Variants in FER observed in about 807,000 individuals in gnomAD.
FER encodes the protein tyrosine-protein kinase Fer.
FER carries 63 observed loss-of-function variants against 111.0 expected under a neutral mutation model. That is an observed-to-expected ratio of 0.57 (90% confidence interval 0.46 to 0.70). FER has a LOEUF of 0.70. Ranked by LOEUF, FER falls within the 30% of genes least tolerant of loss-of-function variation. FER has a pLI of 0.00. For missense variants in FER, 914 were observed against 954.0 expected, an observed-to-expected ratio of 0.96 and a Z score of 0.55; for synonymous variants, 327 against 313.9, an observed-to-expected ratio of 1.04 and a Z score of -0.44.
chr5:108,907,264 T>C (rs1750915285), intron 10 of FER, among the ~76,000 whole-genome samples: 1 of 152,010 alleles, frequency 6.6e-6, no homozygotes. Flanking sequence ...CTCTGCCTTC[T>C]CATTAAACAC....
At chr5:108,919,019 TTAGA>T (rs2149546751) in intron 10 of FER, among the ~76,000 whole-genome samples, 1 of 152,352 alleles carries the variant, frequency 6.6e-6, no homozygotes, top group East Asian at 1.9e-4. Flanking sequence ...TTTAAAACAA[TTAGA>T]TAATTTCTGT....
chr5:108,820,176 A>G (rs1758698285), intron 3 of FER: 2 of 985,420 alleles, frequency 2.0e-6, no homozygotes, highest in Non-Finnish European at 2.4e-6. Context: ...ACAGTCCTCT[A>G]CTAGAGCTGG....
chr5:108,980,927 T>C (rs892180112), intron 13 of FER, among the ~76,000 whole-genome samples: 1 of 152,102 alleles, frequency 6.6e-6, no homozygotes, highest in Non-Finnish European at 1.5e-5. Flanking sequence ...AAAAACATGT[T>C]TTTGTTAAAG....
At chr5:108,823,836 CA>C (rs1242857620) in intron 3 of FER, among the ~76,000 whole-genome samples, 1 of 152,074 alleles carries the variant, frequency 6.6e-6, no homozygotes, top group Non-Finnish European at 1.5e-5. Context: ...GTGTCATCTT[CA>C]AAAAATCATT....
At chr5:109,050,562 C>A (rs1483587812) in intron 16 of FER, among the ~76,000 whole-genome samples, 2 of 152,102 alleles carry the variant, frequency 1.3e-5, no homozygotes, top group African/African-American at 4.8e-5. Context: ...TCCCAACTGT[C>A]TTAAAAATGT....
chr5:109,046,346 A>G (rs35786031), intron 15 of FER, among the ~76,000 whole-genome samples: 1 of 149,828 alleles, frequency 6.7e-6, no homozygotes, highest in Admixed American at 6.7e-5. Flanking sequence ...TGTGTTAAAA[A>G]ATATATATAT....
intron 17 of FER, among the ~76,000 whole-genome samples, chr5:109,103,680 A>G (rs746495879): frequency 2.6e-5 from 4 of 152,084 alleles, no homozygotes; most frequent in Non-Finnish European, 4.4e-5. Context: ...TTTCTTTCCT[A>G]CTTGTACTTT....
intron 2 of FER, among the ~76,000 whole-genome samples, chr5:108,797,730 A>G (rs546549927): frequency 6.6e-6 from 1 of 152,320 alleles, no homozygotes; most frequent in South Asian, 2.1e-4. Context: ...GTGTGTAAAT[A>G]GTTGTTAAAT....
At chr5:108,915,901 TAAG>T (rs546568843) in intron 10 of FER, among the ~76,000 whole-genome samples, 156 of 152,114 alleles carry the variant, frequency 1.0e-3, no homozygotes, top group African/African-American at 3.6e-3. Flanking sequence ...GGGTCTGAGG[TAAG>T]AAAAGCTTTT....
intron 10 of FER, among the ~76,000 whole-genome samples, chr5:108,929,622 C>A (rs555985015): frequency 6.6e-6 from 1 of 151,242 alleles, no homozygotes; most frequent in South Asian, 2.1e-4. Context: ...TAAAGGAAGT[C>A]ATTAAAAATG....
chr5:108,784,955 TGGCCAGTTTTGG>T (rs767057908), intron 2 of FER: 1 of 213,514 alleles, frequency 4.7e-6, no homozygotes, highest in Non-Finnish European at 9.5e-6. Flanking sequence ...AGAGATTTTA[TGGCCAGTTTTGG>T]GGCCAGTTTA....
intron 13 of FER, among the ~76,000 whole-genome samples, chr5:109,022,461 A>T (rs1768058779): frequency 6.6e-6 from 1 of 152,130 alleles, no homozygotes; most frequent in African/African-American, 2.4e-5. Context: ...CTAGTGCAGA[A>T]GTCTTGAAGT....
At chr5:108,860,216 C>T (rs1382130648) in intron 5 of FER, among the ~76,000 whole-genome samples, 1 of 151,864 alleles carries the variant, frequency 6.6e-6, no homozygotes, top group African/African-American at 2.4e-5. Context: ...GCTGGGATTA[C>T]AGATGTGAGC....
intron 13 of FER, among the ~76,000 whole-genome samples, chr5:109,017,955 T>A (rs1767406264): frequency 6.6e-6 from 1 of 151,900 alleles, no homozygotes; most frequent in Non-Finnish European, 1.5e-5. Flanking sequence ...ACCCTTTGTT[T>A]TCATTTTCTC....
At position 109,041,394 on chromosome 5, in the gene FER, A is replaced by G. The variant is rs541975038; in HGVS notation, c.1714-3286A>G. 5.3e-5 allele frequency among the ~76,000 whole-genome samples: 8 copies of G among 152,256 alleles called. No individual in the cohort carries two copies. The East Asian group carries it at 1.4e-3, about 26-fold the overall frequency. On this transcript the variant is annotated intron_variant, in intron 14 of 19. Coordinates refer to ENST00000281092, the MANE Select transcript of FER (RefSeq NM_005246.4). ...TAATAAAAGAATGACGTAAAAAGTG[A>G]TAGAACCGAAAGATTGGCAGTTCCT...
chr5:108,807,856 C>T (rs1201661715), intron 3 of FER, among the ~76,000 whole-genome samples: 1 of 151,866 alleles, frequency 6.6e-6, no homozygotes, highest in Admixed American at 6.6e-5. Flanking sequence ...TGATTTCTGC[C>T]TTAATTTCAT....
At chr5:108,769,111 G>A (rs1316570533) in intron 2 of FER, among the ~76,000 whole-genome samples, 1 of 152,164 alleles carries the variant, frequency 6.6e-6, no homozygotes, top group Non-Finnish European at 1.5e-5. Context: ...ACAGGCGTGA[G>A]CTACTGTGCC....
At chr5:109,146,253 A>AATATATATATATTATCTATCTAATATAT (rs1754140325) in intron 17 of FER, among the ~76,000 whole-genome samples, 15 of 42,114 alleles carry the variant, frequency 3.6e-4, no homozygotes, top group East Asian at 1.1e-3. Context: ...TAATCTATCT[A>AATATATATATATTATCTATCTAATATAT]ATATATATAT....
chr5:108,807,087 C>G (rs1483659060), intron 3 of FER, among the ~76,000 whole-genome samples: 1 of 152,124 alleles, frequency 6.6e-6, no homozygotes, highest in Admixed American at 6.5e-5. Flanking sequence ...CTTTCCTGTG[C>G]TGTTCTCATG....
Sources: allele counts gnomAD v4.1 joint callset (sites outside exome capture counted in the v4.1 genomes callset), GRCh38; gene constraint gnomAD v4.1.1; transcripts MANE v1.5; gene names NCBI Gene and HGNC (gene_info 2026-07-23, HGNC 2026-07-21).